Variants in SLC35G2 observed in about 807,000 individuals in gnomAD.
SLC35G2 encodes solute carrier family 35 member G2, also known as transmembrane protein 22.
Under a neutral mutation model 27.2 loss-of-function variants are expected in SLC35G2, and 20 were observed. The ratio of observed to expected loss-of-function variants is 0.74; its 90% CI spans 0.52 to 1.07. The LOEUF is 1.07. Among genes scored for constraint, SLC35G2 ranks in the 50% least tolerant of loss-of-function variants. The pLI is 0.00. For missense variants in SLC35G2, 416 were observed against 493.3 expected (o/e 0.84, Z 1.48); for synonymous variants, 148 against 165.3 (o/e 0.90, Z 0.80).
intron 1 of SLC35G2, among the ~76,000 whole-genome samples, chr3:136,843,748 C>T (rs1479681544): frequency 1.3e-5 from 2 of 151,946 alleles, no homozygotes. Flanking sequence ...GCCTGGCCAA[C>T]ATGGCAAAAC....
Position 136,849,921 on chromosome 3 carries a change from A to G in SLC35G2, c.-18-4522A>G, listed in dbSNP as rs1006705865. Among the ~76,000 whole-genome samples the G allele has an allele frequency of 2.7e-5, 4 of 149,152 alleles. No individual in the cohort carries two copies. The East Asian group carries it at 8.8e-4, about 33-fold the overall frequency. The stretch of plus-strand genomic sequence containing the variant: ...GGGGTTTGAGACCAGCCTGACCAAC[A>G]TGGTGAAACCCCGTCTCTACCAAAA... On this transcript the variant is annotated intron_variant, in intron 1 of 1. Coordinates refer to ENST00000446465, the MANE Select transcript of SLC35G2 (RefSeq NM_025246.3).
Position 136,855,075 on chromosome 3 carries a change from C to T in SLC35G2, c.615C>T (p.Phe205=). The T allele has an allele frequency of 6.2e-7, 1 of 1,614,214 alleles. No homozygotes were observed. Among genetic ancestry groups the T allele is most frequent in the Non-Finnish European group, 8.5e-7 (1 of 1,180,042 alleles). The change falls in exon 2 of 2, where the codon TTC becomes TTT. Residue 205 remains phenylalanine (F), a synonymous_variant. Coordinates refer to ENST00000446465, the MANE Select transcript of SLC35G2 (RefSeq NM_025246.3). ...TGTGGAGAGCCACAACTACAGTCTT[C>T]AGTGCCATTTTGGCTTTTTTACTCG... ...TTMWRATTTV[F]SAILAFLLVD...
In SLC35G2 at chr3:136,820,916, TAAAG is replaced by T. The variant is rs1214024790; in HGVS notation, c.-19+1293_-19+1296del. ...TGATATTGATACCAAAAAAATTCCT[TAAAG>T]AAAGCTTAAGGAAAATGAATTAATG... On this transcript the variant is annotated intron_variant, in intron 1 of 1. Coordinates refer to ENST00000446465, the MANE Select transcript of SLC35G2 (RefSeq NM_025246.3). Among the ~76,000 whole-genome samples, 14 of 152,248 alleles carry T rather than the reference TAAAG, an allele frequency of 9.2e-5. No individual in the cohort carries two copies. The East Asian group carries it at 1.5e-3, about 17-fold the overall frequency.
chr3:136,845,584 T>A (rs1023049086), intron 1 of SLC35G2, among the ~76,000 whole-genome samples: 8 of 144,180 alleles, frequency 5.5e-5, no homozygotes, highest in African/African-American at 2.0e-4. Flanking sequence ...ACAGCTGCAG[T>A]TATGCCCTAA....
At chr3:136,834,488 C>A (rs931008998) in intron 1 of SLC35G2, among the ~76,000 whole-genome samples, 3 of 152,040 alleles carry the variant, frequency 2.0e-5, no homozygotes, top group African/African-American at 7.2e-5. Context: ...TGCCACCACA[C>A]CCAGCTAAGT....
intron 1 of SLC35G2, among the ~76,000 whole-genome samples, chr3:136,832,625 A>T (rs1368666735): frequency 2.0e-5 from 3 of 152,218 alleles, no homozygotes; most frequent in Non-Finnish European, 4.4e-5. Flanking sequence ...CTTCCACATC[A>T]TAGGCACTCA....
chr3:136,839,609 G>T (rs1937004606), intron 1 of SLC35G2, among the ~76,000 whole-genome samples: 1 of 152,106 alleles, frequency 6.6e-6, no homozygotes, highest in South Asian at 2.1e-4. Context: ...AAGACTAAAT[G>T]TTTAGCCCAG....
chr3:136,838,253 A>G lies in SLC35G2; in HGVS notation c.-18-16190A>G, dbSNP rs1451958326. ...ATTTTGCAGTAGCATATACATATAT[A>G]TATATATATATATATATATATATAT... On this transcript the variant is annotated intron_variant, in intron 1 of 1. Coordinates refer to ENST00000446465, the MANE Select transcript of SLC35G2 (RefSeq NM_025246.3). The G allele has an allele frequency of 3.2e-3, 14 of 4,424 alleles. No individual in the cohort carries two copies. In the South Asian group the frequency reaches 0.22, roughly 71 times the overall value. 0.3% of individuals were successfully genotyped at this position (4,424 alleles called of 1,614,324 possible).
At chr3:136,827,896 G>A (rs560356468) in intron 1 of SLC35G2, among the ~76,000 whole-genome samples, 8 of 150,952 alleles carry the variant, frequency 5.3e-5, no homozygotes, top group African/African-American at 1.2e-4. Context: ...GCATGATCTC[G>A]GCTCACTGCA....
intron 1 of SLC35G2, chr3:136,838,254 T>C (rs1278037372): frequency 5.9e-3 from 27 of 4,606 alleles, no homozygotes; most frequent in African/African-American, 0.015. Flanking sequence ...TACATATATA[T>C]ATATATATAT....
chr3:136,839,210 T>C (rs1459349548), intron 1 of SLC35G2, among the ~76,000 whole-genome samples: 1 of 152,176 alleles, frequency 6.6e-6, no homozygotes, highest in Non-Finnish European at 1.5e-5. Flanking sequence ...AATCCACTGA[T>C]TCAAAGATTA....
In SLC35G2 at chr3:136,854,708, T is replaced by C. The variant is rs751353911; in HGVS notation, c.248T>C (p.Met83Thr). ...DTLPPPTEDP[M>T]INEIGQFQSF... ...CTACCTCCACCAACAGAAGACCCAA[T>C]GATCAATGAGATTGGACAATTCCAG... Residue 83 changes from methionine to threonine, a missense_variant, in exon 2 of 2, where the codon ATG becomes ACG. Coordinates refer to ENST00000446465, the MANE Select transcript of SLC35G2 (RefSeq NM_025246.3). 1 of 1,614,016 alleles carries C rather than the reference T, an allele frequency of 6.2e-7. No individual in the cohort carries two copies. The highest frequency in any genetic ancestry group is 1.1e-5 in the South Asian group (1 of 91,082).
At chr3:136,835,317 T>C (rs953733525) in intron 1 of SLC35G2, among the ~76,000 whole-genome samples, 1 of 150,434 alleles carries the variant, frequency 6.6e-6, no homozygotes, top group African/African-American at 2.4e-5. Context: ...CTTTTTTTTT[T>C]TTTTTTGTAG....
Position 136,855,267 on chromosome 3 carries a change from T to G in SLC35G2, c.807T>G (p.Ala269=). Residue 269 remains alanine (A), a synonymous_variant, in exon 2 of 2, where the codon GCT becomes GCG. Coordinates refer to ENST00000446465, the MANE Select transcript of SLC35G2 (RefSeq NM_025246.3). The stretch of plus-strand genomic sequence containing the variant: ...CTGTGATGGCTGGACTGACCACTGC[T>G]CTCTCAATGATAGTATACAGATCCA... The part of the protein sequence containing the change: ...TMTVMAGLTT[A]LSMIVYRSIK... 2 of 1,614,154 alleles carry G rather than the reference T, an allele frequency of 1.2e-6. No individual in the cohort carries two copies. The highest frequency in any genetic ancestry group is 2.2e-5 in the South Asian group (2 of 91,084).
intron 1 of SLC35G2, chr3:136,839,060 T>G (rs1936986290): frequency 6.6e-6 from 1 of 151,746 alleles, no homozygotes; most frequent in East Asian, 1.9e-4. Flanking sequence ...CCTTAACAGC[T>G]TCACCCAGCA....
At chr3:136,853,465 A>G (rs1205921686) in intron 1 of SLC35G2, among the ~76,000 whole-genome samples, 2 of 152,144 alleles carry the variant, frequency 1.3e-5, no homozygotes, top group Admixed American at 6.6e-5. Flanking sequence ...GTAAGCTACA[A>G]TGAACTCTCC....
At chr3:136,825,329 C>T (rs1178145823) in intron 1 of SLC35G2, among the ~76,000 whole-genome samples, 3 of 151,756 alleles carry the variant, frequency 2.0e-5, no homozygotes, top group Admixed American at 2.0e-4. Flanking sequence ...TAACCTCTCC[C>T]TCCCAGGTTC....
chr3:136,838,508 G>A (rs1167258866), intron 1 of SLC35G2: 1 of 152,150 alleles, frequency 6.6e-6, no homozygotes, highest in Non-Finnish European at 1.5e-5. Flanking sequence ...AGGTGACTGA[G>A]TTGTAATTTT....
intron 1 of SLC35G2, chr3:136,819,952 C>T (rs1936404286): frequency 6.6e-6 from 1 of 152,250 alleles, no homozygotes; most frequent in Admixed American, 6.5e-5. Flanking sequence ...CCTCACAGTG[C>T]TCTGGGCGCT....
Sources: allele counts gnomAD v4.1 joint callset (sites outside exome capture counted in the v4.1 genomes callset), GRCh38; gene constraint gnomAD v4.1.1; transcripts MANE v1.5; gene names NCBI Gene and HGNC (gene_info 2026-07-23, HGNC 2026-07-21).